MYPN: variants seen among roughly 807,000 people sequenced by gnomAD.
MYPN encodes myopalladin, also known as sarcomeric protein myopalladin, 145 kDa (MYOP).
MYPN carries 63 observed loss-of-function variants against 129.4 expected under a neutral mutation model. The ratio of observed to expected loss-of-function variants is 0.49; its 90% CI spans 0.40 to 0.60. The LOEUF is 0.60. Among genes scored for constraint, MYPN ranks in the 20% least tolerant of loss-of-function variants. The pLI is 0.00. For missense variants in MYPN, 1,596 were observed against 1,635.4 expected (o/e 0.98, Z 0.42); for synonymous variants, 629 against 600.9 (o/e 1.05, Z -0.68).
At chr10:68,115,783 C>T (rs1193368802) in intron 1 of MYPN, among the ~76,000 whole-genome samples, 1 of 152,162 alleles carries the variant, frequency 6.6e-6, no homozygotes, top group Non-Finnish European at 1.5e-5. Context: ...CCTTTCTGCC[C>T]TCATTTTCTT....
intron 2 of MYPN, among the ~76,000 whole-genome samples, chr10:68,138,139 G>A (rs1470713135): frequency 2.7e-5 from 4 of 146,130 alleles, no homozygotes; most frequent in African/African-American, 5.1e-5. Flanking sequence ...GGAGTCTCAC[G>A]TCGTGCAGGC....
chr10:68,209,684 TTTTTG>T (rs2043875694), intron 19 of MYPN, among the ~76,000 whole-genome samples: 1 of 151,490 alleles, frequency 6.6e-6, no homozygotes, highest in Non-Finnish European at 1.5e-5. Flanking sequence ...TTTTTTTTTT[TTTTTG>T]TTTGTTTTTT....
chr10:68,133,708 A>C lies in MYPN; in HGVS notation c.903-9232A>C, dbSNP rs192873432. ...TCAGGGTGATTAATCTGGGAGCTAC[A>C]TTCAGAGCAGCTGTGTAGGTCAGTG... is the stretch of plus-strand genomic sequence containing the variant. On this transcript the variant is annotated intron_variant, in intron 2 of 19. Coordinates refer to ENST00000358913, the MANE Select transcript of MYPN (RefSeq NM_032578.4). 1.4e-4 allele frequency among the ~76,000 whole-genome samples: 21 copies of C among 152,062 alleles called. No individual in the cohort carries two copies. In the East Asian group the frequency reaches 4.1e-3, roughly 30 times the overall value.
At chr10:68,143,826 C>T (rs1400396859) in intron 3 of MYPN, among the ~76,000 whole-genome samples, 1 of 152,184 alleles carries the variant, frequency 6.6e-6, no homozygotes, top group African/African-American at 2.4e-5. Flanking sequence ...ACCATCTCGG[C>T]CCACTGCAAC....
chr10:68,206,749 A>G (rs1212818380), intron 18 of MYPN, 21 bp from the exon 19 acceptor site: 6 of 1,613,966 alleles, frequency 3.7e-6, no homozygotes, highest in Non-Finnish European at 4.2e-6. Context: ...AAATATAGGT[A>G]TATTCTCTCT....
chr10:68,210,589 G>A lies in MYPN; in HGVS notation c.*134G>A, dbSNP rs768744850. 2.0e-5 allele frequency: 20 copies of A among 1,019,402 alleles called. No individual in the cohort carries two copies. Among genetic ancestry groups the A allele is most frequent in the Non-Finnish European group, 3.0e-5 (20 of 658,760 alleles). 63.1% of individuals were successfully genotyped at this position (1,019,402 alleles called of 1,614,324 possible). The stretch of plus-strand genomic sequence containing the variant: ...CTGGACCTGTGGCAAAGAGTGCTTT[G>A]AATAAGTCAGCTAGGGATTCTTGCA... On this transcript the variant is annotated 3_prime_UTR_variant, in exon 20 of 20. Transcript: ENST00000358913.
At chr10:68,187,912 T>A (rs1461909116) in intron 12 of MYPN, among the ~76,000 whole-genome samples, 4 of 152,138 alleles carry the variant, frequency 2.6e-5, no homozygotes, top group African/African-American at 9.7e-5. Context: ...CAATTAGATG[T>A]GGCATATTTG....
intron 1 of MYPN, among the ~76,000 whole-genome samples, chr10:68,119,194 CT>C (rs1268245233): frequency 1.3e-5 from 2 of 152,024 alleles, no homozygotes; most frequent in Non-Finnish European, 2.9e-5. Context: ...ATCAATTATA[CT>C]TTCATATACT....
At chr10:68,187,816 T>A (rs2043445382) in intron 12 of MYPN, among the ~76,000 whole-genome samples, 1 of 152,136 alleles carries the variant, frequency 6.6e-6, no homozygotes, top group Non-Finnish European at 1.5e-5. Flanking sequence ...GTATGGTGTG[T>A]CACGGAAGGA....
intron 1 of MYPN, among the ~76,000 whole-genome samples, chr10:68,113,353 T>G (rs1445947030): frequency 6.6e-6 from 1 of 152,162 alleles, no homozygotes; most frequent in Non-Finnish European, 1.5e-5. Flanking sequence ...GTTCTTTGGT[T>G]TTTTCATGAA....
rs780542025 is a variant in MYPN, at chr10:68,182,471, T to TATATACAC, written c.2704-6433_2704-6432insTATACACA. Among the ~76,000 whole-genome samples the TATATACAC allele has an allele frequency of 1.5e-4, 16 of 104,672 alleles. 1 individual carries two copies. Among genetic ancestry groups the TATATACAC allele is most frequent in the African/African-American group, 2.4e-4 (7 of 28,800 alleles). The allele number at this position is 104,672 out of a possible 152,430, so 68.7% of individuals were successfully genotyped here. ...ATATAACATATATATATAACATATA[T>TATATACAC]ACACACACACACACACACACACACA... On this transcript the variant is annotated intron_variant, in intron 12 of 19. Transcript: ENST00000358913.
chr10:68,145,226 G>C (rs1275200236), intron 3 of MYPN, among the ~76,000 whole-genome samples: 1 of 151,986 alleles, frequency 6.6e-6, no homozygotes, highest in East Asian at 1.9e-4. Flanking sequence ...GTTTCTCCAT[G>C]TTGGTCAGGC....
chr10:68,188,373 G>C (rs2043454220), intron 12 of MYPN, among the ~76,000 whole-genome samples: 1 of 150,680 alleles, frequency 6.6e-6, no homozygotes, highest in Non-Finnish European at 1.5e-5. Context: ...GCCTCCCAAA[G>C]GGCTGGGATT....
intron 2 of MYPN, chr10:68,136,460 T>C: frequency 9.6e-7 from 1 of 1,038,692 alleles, no homozygotes; most frequent in South Asian, 2.8e-5. Context: ...TTTGAGAGTA[T>C]GGTTCCCCCT....
At chr10:68,182,471 T>TATAACATATATATATAACATATACAC (rs780542025) in intron 12 of MYPN, among the ~76,000 whole-genome samples, 1 of 104,662 alleles carries the variant, frequency 9.6e-6, no homozygotes, top group African/African-American at 3.5e-5. Flanking sequence ...ATAACATATA[T>TATAACATATATATATAACATATACAC]ACACACACAC....
intron 6 of MYPN, among the ~76,000 whole-genome samples, chr10:68,154,902 AG>A (rs1287171189): frequency 6.6e-6 from 1 of 152,146 alleles, no homozygotes; most frequent in Non-Finnish European, 1.5e-5. Flanking sequence ...ATTTCAGGCC[AG>A]GCACGGTGGC....
chr10:68,093,780 G>C (rs1034175116), intron 1 of MYPN, among the ~76,000 whole-genome samples: 1 of 151,498 alleles, frequency 6.6e-6, no homozygotes, highest in East Asian at 1.9e-4. Context: ...GGAAGTAAAA[G>C]AATAAAAGAA....
chr10:68,167,311 T>A (rs144283387), intron 10 of MYPN, among the ~76,000 whole-genome samples: 4 of 152,324 alleles, frequency 2.6e-5, no homozygotes, highest in African/African-American at 9.6e-5. Flanking sequence ...ATTTCATCCT[T>A]ATATTTCCCA....
chr10:68,109,798 G>T (rs2042056340), intron 1 of MYPN, 75 bp downstream of exon 1: 3 of 404,354 alleles, frequency 7.4e-6, no homozygotes, highest in South Asian at 5.5e-5. Flanking sequence ...ATATTTCAAA[G>T]AACTCATTAC....
Sources: gnomAD v4.1 joint callset for allele counts (sites outside exome capture counted in the v4.1 genomes callset) on GRCh38, gnomAD v4.1.1 for gene constraint, MANE v1.5 for transcripts, NCBI Gene and HGNC (gene_info 2026-07-23, HGNC 2026-07-21) for gene names.